Variants in ARB2A observed in about 807,000 individuals in gnomAD.
The protein encoded by ARB2A is cotranscriptional regulator ARB2A.
At chr5:93,966,646 T>C in the ARB2A span, among the ~76,000 whole-genome samples, 6 of 152,208 alleles carry the variant, frequency 3.9e-5, no homozygotes, top group Admixed American at 3.9e-4. Context: ...AAATCATCTA[T>C]CTTATAGGCA....
the ARB2A span, among the ~76,000 whole-genome samples, chr5:93,674,132 A>C: frequency 3.3e-5 from 5 of 152,208 alleles, no homozygotes; most frequent in Non-Finnish European, 7.4e-5. Flanking sequence ...AGATCATGGG[A>C]ATCAAATGGA....
At chr5:93,722,383 C>T in the ARB2A span, among the ~76,000 whole-genome samples, 1 of 151,936 alleles carries the variant, frequency 6.6e-6, no homozygotes, top group Admixed American at 6.6e-5. Flanking sequence ...ACTTTATGCA[C>T]AGTAAATAAT....
At chr5:94,077,788 T>C in the ARB2A span, among the ~76,000 whole-genome samples, 2 of 152,206 alleles carry the variant, frequency 1.3e-5, no homozygotes, top group Non-Finnish European at 2.9e-5. Flanking sequence ...TGTTGTATAC[T>C]TCATGATAAC....
chr5:93,875,463 C>A, the ARB2A span, among the ~76,000 whole-genome samples: 3 of 152,044 alleles, frequency 2.0e-5, no homozygotes, highest in Non-Finnish European at 2.9e-5. Flanking sequence ...AACTCCTGAC[C>A]TCAGGCAATC....
At chr5:94,079,994 C>T in the ARB2A span, among the ~76,000 whole-genome samples, 1 of 152,022 alleles carries the variant, frequency 6.6e-6, no homozygotes, top group Non-Finnish European at 1.5e-5. Flanking sequence ...ATATCTGTGA[C>T]AATGTTAAAA....
chr5:93,851,335 G>A, the ARB2A span, among the ~76,000 whole-genome samples: 2 of 152,086 alleles, frequency 1.3e-5, no homozygotes, highest in African/African-American at 4.8e-5. Flanking sequence ...GGCCCAAGAG[G>A]TATGATATGA....
the ARB2A span, among the ~76,000 whole-genome samples, chr5:93,995,347 TG>T: frequency 6.6e-6 from 1 of 152,174 alleles, no homozygotes; most frequent in Non-Finnish European, 1.5e-5. Context: ...TCATGTTCAG[TG>T]CAATACTGTA....
At chr5:93,837,925 A>T in the ARB2A span, among the ~76,000 whole-genome samples, 1 of 152,196 alleles carries the variant, frequency 6.6e-6, no homozygotes, top group Non-Finnish European at 1.5e-5. Flanking sequence ...TCAGATGCAT[A>T]GTAAGCAAAT....
chr5:93,851,463 A>G, the ARB2A span, among the ~76,000 whole-genome samples: 2 of 152,084 alleles, frequency 1.3e-5, no homozygotes, highest in African/African-American at 4.8e-5. Flanking sequence ...TTATTTTATT[A>G]TTATTATACT....
the ARB2A span, among the ~76,000 whole-genome samples, chr5:93,781,495 A>G: frequency 6.6e-6 from 1 of 152,210 alleles, no homozygotes; most frequent in Non-Finnish European, 1.5e-5. Flanking sequence ...TGCGATAAAC[A>G]TACCAGTATA....
chr5:93,686,952 A>T, the ARB2A span, among the ~76,000 whole-genome samples: 1 of 152,232 alleles, frequency 6.6e-6, no homozygotes, highest in Non-Finnish European at 1.5e-5. Flanking sequence ...AACTAAAAAA[A>T]AACTGCATTT....
At chr5:93,876,946 A>G in the ARB2A span, among the ~76,000 whole-genome samples, 1 of 152,164 alleles carries the variant, frequency 6.6e-6, no homozygotes, top group South Asian at 2.1e-4. Context: ...AAACTAGGCA[A>G]CACCAACTAT....
the ARB2A span, chr5:93,865,833 G>A: frequency 2.0e-6 from 2 of 985,212 alleles, no homozygotes; most frequent in African/African-American, 3.5e-5. Context: ...ATAGTAGGCA[G>A]GTGATATTTA....
the ARB2A span, among the ~76,000 whole-genome samples, chr5:94,094,382 C>T: frequency 6.6e-6 from 1 of 152,118 alleles, no homozygotes; most frequent in South Asian, 2.1e-4. Flanking sequence ...AGACACTAAT[C>T]CTATGGGACC....
chr5:93,937,182 G>T, the ARB2A span, among the ~76,000 whole-genome samples: 18 of 151,148 alleles, frequency 1.2e-4, 1 homozygote, highest in East Asian at 2.0e-3. Context: ...CAATTATAAA[G>T]GTTTAATATA....
At chr5:93,876,814 T>C in the ARB2A span, among the ~76,000 whole-genome samples, 2 of 152,066 alleles carry the variant, frequency 1.3e-5, no homozygotes, top group Non-Finnish European at 2.9e-5. Context: ...TTCAGAACTG[T>C]GAACATACCC....
chr5:93,780,423 G>C, the ARB2A span, among the ~76,000 whole-genome samples: 1 of 152,168 alleles, frequency 6.6e-6, no homozygotes, highest in Non-Finnish European at 1.5e-5. Context: ...TCCTCAAGAG[G>C]CTGGCTTAGC....
At chr5:93,993,894 AT>A in the ARB2A span, among the ~76,000 whole-genome samples, 2 of 151,954 alleles carry the variant, frequency 1.3e-5, no homozygotes, top group African/African-American at 4.8e-5. Context: ...AGTGTAAGGT[AT>A]TTTTTCTTGT....
the ARB2A span, among the ~76,000 whole-genome samples, chr5:93,923,335 G>A: frequency 6.6e-6 from 1 of 152,152 alleles, no homozygotes; most frequent in Non-Finnish European, 1.5e-5. Flanking sequence ...GGAGTCAAAA[G>A]TTATATGCAG....
Sources: allele counts gnomAD v4.1 joint callset (sites outside exome capture counted in the v4.1 genomes callset), GRCh38; gene constraint gnomAD v4.1.1; transcripts MANE v1.5; gene names NCBI Gene and HGNC (gene_info 2026-07-23, HGNC 2026-07-21).